PSMD6: variants seen among roughly 807,000 people sequenced by gnomAD.
PSMD6 encodes the protein 26S proteasome non-ATPase regulatory subunit 6.
In PSMD6, 7 loss-of-function variants were observed where a neutral mutation model predicts 44.9. The observed-to-expected ratio is 0.16, with a 90% CI of 0.09 to 0.29. PSMD6 has a LOEUF of 0.29. PSMD6 is among the 10% of genes least tolerant of loss of function. The pLI is 1.00. For synonymous variants in PSMD6, 184 were observed against 172.7 expected, an observed-to-expected ratio of 1.07 and a Z score of -0.51; for missense variants, 420 against 482.6, an observed-to-expected ratio of 0.87 and a Z score of 1.21.
In PSMD6 at chr3:64,023,372, G is replaced by C; in HGVS notation, c.48C>G (p.Asp16Glu). 1 of 1,612,702 alleles carries C rather than the reference G, an allele frequency of 6.2e-7. No homozygotes were observed. The highest frequency in any genetic ancestry group is 8.5e-7 in the Non-Finnish European group (1 of 1,179,234). Residue 16 changes from aspartate to glutamate, a missense_variant, in exon 1 of 8, where the codon GAC (aspartate) becomes GAG (glutamate). By Grantham distance (45) the Asp-to-Glu change is conservative. This residue lies in a region of PSMD6 where 136 missense variants were observed against 124.2 expected (regional missense o/e 1.09). Transcript: ENST00000295901. ...GGAAGCGCAGCTGCGCGATACGCAA[G>C]TCGGGGTTCTTGGGCAGACCCTCCT... ...LEEEGLPKNP[D>E]LRIAQLRFLL...
intron 5 of PSMD6, chr3:64,018,218 A>G (rs2076077584): frequency 6.3e-6 from 1 of 158,836 alleles, no homozygotes; most frequent in Admixed American, 6.2e-5. Context: ...GAAGCTCAAT[A>G]CTTAATAACC....
intron 5 of PSMD6, chr3:64,017,445 G>C (rs765607918): frequency 7.9e-5 from 12 of 152,158 alleles, no homozygotes; most frequent in Non-Finnish European, 1.0e-4. Flanking sequence ...CAGGAATGCA[G>C]AGAAGTAAGA....
chr3:64,023,060 C>G, intron 1 of PSMD6: 2 of 1,428,870 alleles, frequency 1.4e-6, no homozygotes, highest in Non-Finnish European at 1.8e-6. Context: ...CAGGGGAAGG[C>G]GGCACAGAGA....
chr3:64,010,608 T>C lies in PSMD6; in HGVS notation c.*60A>G, dbSNP rs556808057. The C allele has an allele frequency of 1.2e-4, 154 of 1,240,706 alleles. 1 individual carries two copies. In the African/African-American group the frequency reaches 2.2e-3, roughly 17 times the overall value. 76.9% of individuals were successfully genotyped at this position (1,240,706 alleles called of 1,614,324 possible). The stretch of plus-strand genomic sequence containing the variant: ...CAGCTGACCTGGGCACATTGTGAAG[T>C]AAGCTATAAAAATTCCAAATAATTA... On this transcript the variant is annotated 3_prime_UTR_variant, in exon 8 of 8. Coordinates refer to ENST00000295901, the MANE Select transcript of PSMD6 (RefSeq NM_014814.3).
intron 1 of PSMD6, 150 bp downstream of exon 1, chr3:64,023,124 AG>A: frequency 7.0e-7 from 1 of 1,422,798 alleles, no homozygotes; most frequent in Non-Finnish European, 9.1e-7. Context: ...CCCAAACCAA[AG>A]CAAAACCCTA....
chr3:64,012,894 C>T (rs984089645), intron 6 of PSMD6: 1 of 152,166 alleles, frequency 6.6e-6, no homozygotes, highest in African/African-American at 2.4e-5. Flanking sequence ...TGCTTCCTTG[C>T]CATCTCTTCC....
intron 6 of PSMD6, chr3:64,011,410 A>AACAAGTGG: frequency 6.6e-6 from 1 of 152,472 alleles, no homozygotes; most frequent in East Asian, 1.9e-4. Context: ...TCTTAGTCTA[A>AACAAGTGG]ACAAGTGGAA....
rs746307387 is a variant in PSMD6 at position 64,023,262 on chromosome 3, G to C, written c.145+13C>G. The C allele has an allele frequency of 3.0e-5, 47 of 1,552,832 alleles. 2 individuals carry two copies. The South Asian group carries it at 5.1e-4, about 17-fold the overall frequency. On this transcript the variant is annotated intron_variant, in intron 1 of 7. Coordinates refer to ENST00000295901, the MANE Select transcript of PSMD6 (RefSeq NM_014814.3). ...GGCCTAGGCCGCTGACTCGGCGCTC[G>C]TGCGGGCCTCACTGTTATCGCGGAC...
intron 2 of PSMD6, chr3:64,019,665 C>G (rs1240867259): frequency 2.3e-6 from 1 of 443,088 alleles, no homozygotes; most frequent in Non-Finnish European, 3.9e-6. Context: ...TAAGAAATGC[C>G]CAAGCATATA....
At chr3:64,018,741 A>C in intron 4 of PSMD6, 34 bp from the exon 5 acceptor site, 1 of 1,520,506 alleles carries the variant, frequency 6.6e-7, no homozygotes, top group Non-Finnish European at 9.0e-7. Context: ...TACAAAAAAA[A>C]TGTACATTTT....
intron 5 of PSMD6, chr3:64,016,038 T>C (rs921737874): frequency 1.3e-5 from 2 of 151,772 alleles, no homozygotes; most frequent in African/African-American, 2.4e-5. Flanking sequence ...ATACAAAAAA[T>C]TAGCCGGGCA....
chr3:64,023,261 C>G lies in PSMD6; in HGVS notation c.145+14G>C, dbSNP rs374117064. The G allele has an allele frequency of 7.9e-5, 123 of 1,550,826 alleles. No individual in the cohort carries two copies. The African/African-American group carries it at 1.6e-3, about 21-fold the overall frequency. ...AGGCCTAGGCCGCTGACTCGGCGCT[C>G]GTGCGGGCCTCACTGTTATCGCGGA... On this transcript the variant is annotated intron_variant, in intron 1 of 7. Transcript: ENST00000295901.
intron 5 of PSMD6, chr3:64,017,032 G>C (rs1255256383): frequency 6.6e-6 from 1 of 152,224 alleles, no homozygotes; most frequent in African/African-American, 2.4e-5. Flanking sequence ...ACATTATAAA[G>C]TGAAAGAAGC....
Position 64,022,491 on chromosome 3 carries a change from A to T in PSMD6, c.178T>A (p.Ser60Thr), listed in dbSNP as rs748869300. Residue 60 changes from serine to threonine, a missense_variant, in exon 2 of 8, where the codon TCC becomes ACC. Coordinates refer to ENST00000295901, the MANE Select transcript of PSMD6 (RefSeq NM_014814.3). ...TCCACGTCTATCTGCCAGTCGAGGG[A>T]TTTGCACAAGGCTTCATAGTAAGGA... is the stretch of plus-strand genomic sequence containing the variant. ...MAPYYEALCK[S>T]LDWQIDVDLL... 4 of 1,614,004 alleles carry T rather than the reference A, an allele frequency of 2.5e-6. No individual in the cohort carries two copies. The South Asian group carries it at 3.3e-5, about 13-fold the overall frequency.
At chr3:64,011,665 A>AACAAATACTACCTGAATTC (rs1174479604) in intron 6 of PSMD6, 1 of 151,952 alleles carries the variant, frequency 6.6e-6, no homozygotes, top group Non-Finnish European at 1.5e-5. Flanking sequence ...AAAAAAACTG[A>AACAAATACTACCTGAATTC]ACAAATACTA....
chr3:64,018,641 A>T lies in PSMD6; in HGVS notation c.784T>A (p.Ser262Thr). 1 of 1,602,300 alleles carries T rather than the reference A, an allele frequency of 6.2e-7. No homozygotes were observed. Among genetic ancestry groups the T allele is most frequent in the Non-Finnish European group, 8.6e-7 (1 of 1,169,272 alleles). Residue 262 changes from serine to threonine, a missense_variant, in exon 5 of 8, where the codon TCA becomes ACA. Around this residue, in one of 4 missense-constraint regions of PSMD6, gnomAD observed 216 missense variants for 227.0 expected, o/e 0.95. Transcript: ENST00000295901. ...ACAGAGTAACGGCATTCATAGAGTG[A>T]AAACAGATACTGCCGAACTGCTGGA... ...SLPAVRQYLF[S>T]LYECRYSVFF...
At chr3:64,021,797 G>A (rs1004629321) in intron 2 of PSMD6, among the ~76,000 whole-genome samples, 1 of 148,140 alleles carries the variant, frequency 6.8e-6, no homozygotes, top group Non-Finnish European at 1.5e-5. Flanking sequence ...GGTGGCAAGA[G>A]TGAAACTCCG....
chr3:64,023,461 A>C lies in PSMD6; in HGVS notation c.-42T>G, dbSNP rs2106880536. 6.6e-7 allele frequency: 1 copy of C among 1,524,480 alleles called. No individual in the cohort carries two copies. The highest frequency in any genetic ancestry group is 8.9e-7 in the Non-Finnish European group (1 of 1,128,512). The allele number at this position is 1,524,480 out of a possible 1,614,324, so 94.4% of individuals were successfully genotyped here. On this transcript the variant is annotated 5_prime_UTR_variant, in exon 1 of 8. Transcript: ENST00000295901. Reference sequence around the variant, plus strand: ...GCGGCTGACAGGACACAACTTGGTTACGACCGGCTGCGGCAGCGGAAGCGG... The same window carrying C: ...GCGGCTGACAGGACACAACTTGGTTCCGACCGGCTGCGGCAGCGGAAGCGG...
upstream of PSMD6, chr3:64,023,662 G>T (rs2076171706): frequency 2.7e-6 from 4 of 1,468,618 alleles, no homozygotes; most frequent in Non-Finnish European, 3.6e-6. Flanking sequence ...CCCAGAGTGG[G>T]TGCAGCCCAA....
Sources: allele counts gnomAD v4.1 joint callset (sites outside exome capture counted in the v4.1 genomes callset), GRCh38; gene constraint gnomAD v4.1.1; regional missense constraint gnomAD v4.1.1; transcripts MANE v1.5; gene names NCBI Gene and HGNC (gene_info 2026-07-23, HGNC 2026-07-21).